Variants in NCALD observed in about 807,000 individuals in gnomAD.
NCALD encodes the protein neurocalcin-delta.
NCALD carries 10 observed loss-of-function variants against 18.6 expected under a neutral mutation model. The ratio of observed to expected loss-of-function variants is 0.54; its 90% confidence interval spans 0.33 to 0.91. NCALD has a LOEUF of 0.91. Among genes scored for constraint, NCALD ranks in the 40% least tolerant of loss-of-function variants. NCALD has a pLI of 0.03. For synonymous variants in NCALD, 88 were observed against 87.4 expected (o/e 1.01, Z -0.04); for missense variants, 184 against 247.6 (o/e 0.74, Z 1.72).
intron 4 of NCALD, among the ~76,000 whole-genome samples, chr8:101,845,237 T>C (rs1197349512): frequency 6.6e-6 from 1 of 152,240 alleles, no homozygotes; most frequent in East Asian, 1.9e-4. Flanking sequence ...AGTAATGTAT[T>C]TGATTTACAT....
intron 4 of NCALD, among the ~76,000 whole-genome samples, chr8:101,834,364 C>T (rs763467023): frequency 5.3e-5 from 8 of 152,240 alleles, no homozygotes; most frequent in Non-Finnish European, 1.2e-4. Context: ...CAAGCCAATG[C>T]GAGCCAGGCT....
intron 1 of NCALD, among the ~76,000 whole-genome samples, chr8:101,780,347 G>C (rs1342984100): frequency 6.6e-6 from 1 of 152,014 alleles, no homozygotes; most frequent in Non-Finnish European, 1.5e-5. Flanking sequence ...CAGTGTTGTA[G>C]GTCTAAAACA....
At chr8:101,979,826 G>C (rs1820550392) in intron 2 of NCALD, among the ~76,000 whole-genome samples, 1 of 152,164 alleles carries the variant, frequency 6.6e-6, no homozygotes, top group African/African-American at 2.4e-5. Context: ...TGCAAGCCTC[G>C]GTCATTCTGG....
rs1354822680 is a variant in NCALD, at chr8:101,688,704, G to A, written c.*605C>T. On this transcript the variant is annotated 3_prime_UTR_variant, in exon 4 of 4. Coordinates refer to ENST00000220931, the MANE Select transcript of NCALD (RefSeq NM_032041.3). Reference sequence around the variant, plus strand: ...TGTAAACCTGTGAAAAAATAGCTGAGCCATCTTTTTCCTCTCCTCTGTTAA... The same window carrying A: ...TGTAAACCTGTGAAAAAATAGCTGAACCATCTTTTTCCTCTCCTCTGTTAA... 2.1e-6 allele frequency: 1 copy of A among 482,456 alleles called. No homozygotes were observed. Among genetic ancestry groups the A allele is most frequent in the Non-Finnish European group, 4.1e-6 (1 of 244,558 alleles). 29.9% of individuals were successfully genotyped at this position (482,456 alleles called of 1,614,324 possible). A position where few individuals can be genotyped will look rare whatever the true frequency, so the allele number is the denominator to read the frequency against.
intron 4 of NCALD, among the ~76,000 whole-genome samples, chr8:101,863,051 A>T (rs1321721898): frequency 1.3e-5 from 2 of 152,184 alleles, no homozygotes; most frequent in Non-Finnish European, 2.9e-5. Flanking sequence ...ATTATATTTA[A>T]AAGCCAAGGT....
chr8:101,735,448 A>C (rs1586347926), intron 1 of NCALD, among the ~76,000 whole-genome samples: 2 of 152,182 alleles, frequency 1.3e-5, no homozygotes, highest in South Asian at 4.1e-4. Flanking sequence ...CAAATGTTCC[A>C]CCATCCTCTT....
chr8:102,028,975 A>T (rs2132130326), intron 1 of NCALD: 1 of 152,338 alleles, frequency 6.6e-6, no homozygotes, highest in South Asian at 2.1e-4. Flanking sequence ...ACCACATAAC[A>T]AAATAATATA....
intron 1 of NCALD, among the ~76,000 whole-genome samples, chr8:102,027,586 ACTGTTCCAACCTCTAC>A (rs1822506155): frequency 6.6e-6 from 1 of 152,010 alleles, no homozygotes; most frequent in Non-Finnish European, 1.5e-5. Context: ...AGCCCTCCAA[ACTGTTCCAACCTCTAC>A]CTGTTACCCA....
intron 2 of NCALD, among the ~76,000 whole-genome samples, chr8:101,956,051 T>A (rs1819610319): frequency 6.6e-6 from 1 of 152,110 alleles, no homozygotes; most frequent in African/African-American, 2.4e-5. Flanking sequence ...AGAATCTAGG[T>A]AAGGGAATTA....
At chr8:101,959,086 C>A (rs1819742321) in intron 2 of NCALD, among the ~76,000 whole-genome samples, 1 of 152,136 alleles carries the variant, frequency 6.6e-6, no homozygotes, top group South Asian at 2.1e-4. Context: ...CTAACAATGT[C>A]TTTTCTAGCA....
chr8:102,038,578 C>G (rs1324115082), intron 1 of NCALD, among the ~76,000 whole-genome samples: 1 of 152,164 alleles, frequency 6.6e-6, no homozygotes, highest in Non-Finnish European at 1.5e-5. Context: ...AGTGGCAGGG[C>G]TCCAGCTTCT....
chr8:101,697,444 A>T (rs561827499), intron 2 of NCALD, among the ~76,000 whole-genome samples: 1 of 152,344 alleles, frequency 6.6e-6, no homozygotes, highest in South Asian at 2.1e-4. Context: ...AACTCATTTT[A>T]TGAGGCTAGT....
At chr8:102,078,873 T>C (rs570063694) in intron 1 of NCALD, among the ~76,000 whole-genome samples, 1 of 152,386 alleles carries the variant, frequency 6.6e-6, no homozygotes, top group African/African-American at 2.4e-5. Flanking sequence ...GCCTGAATCT[T>C]CCACAGGAGA....
chr8:101,847,316 C>A, intron 4 of NCALD: 1 of 252,778 alleles, frequency 4.0e-6, no homozygotes, highest in South Asian at 5.5e-5. Flanking sequence ...ATCTCACACA[C>A]GCACATGAAC....
chr8:102,124,798 G>A (rs1826059363), upstream of NCALD: 1 of 152,248 alleles, frequency 6.6e-6, no homozygotes, highest in Non-Finnish European at 1.5e-5. Flanking sequence ...CCACAAGGTG[G>A]GAGGGGGGCT....
chr8:102,055,920 T>G (rs1404867998), intron 1 of NCALD, among the ~76,000 whole-genome samples: 2 of 152,178 alleles, frequency 1.3e-5, no homozygotes, highest in African/African-American at 4.8e-5. Context: ...CCCTTCAAAT[T>G]CATCACAGGG....
chr8:101,968,040 C>T (rs1055857815), intron 2 of NCALD, among the ~76,000 whole-genome samples: 2 of 152,110 alleles, frequency 1.3e-5, no homozygotes, highest in Non-Finnish European at 2.9e-5. Flanking sequence ...ATTGGTTGCC[C>T]CTTAAGAGGT....
In NCALD at chr8:101,689,290, C is replaced by G; in HGVS notation, c.*19G>C. ...AGGGAACACAAGCAGCTCTACAATT[C>G]GATTGGTGGGCGCAGGGCTCAGAAC... On this transcript the variant is annotated 3_prime_UTR_variant, in exon 4 of 4. Transcript: ENST00000220931. This position sits in a 1 kb window ranked among gnomAD's most constrained non-coding sequence, Gnocchi z 4.4. 1 of 1,610,126 alleles carries G rather than the reference C, an allele frequency of 6.2e-7. No individual in the cohort carries two copies.
chr8:101,795,054 TA>T (rs1238624704), upstream of NCALD, among the ~76,000 whole-genome samples: 1 of 152,134 alleles, frequency 6.6e-6, no homozygotes, highest in Non-Finnish European at 1.5e-5. Flanking sequence ...CAAAGTAAAC[TA>T]GAGAAAATGT....
Sources: gnomAD v4.1 joint callset for allele counts (sites outside exome capture counted in the v4.1 genomes callset) on GRCh38, gnomAD v4.1.1 for gene constraint, Gnocchi (gnomAD v3.1) non-coding constraint, MANE v1.5 for transcripts, NCBI Gene and HGNC (gene_info 2026-07-23, HGNC 2026-07-21) for gene names.